The following HDAC4 variants were observed in gnomAD, a reference collection of about 807,000 sequenced individuals.
The protein encoded by HDAC4 is histone deacetylase 4, also known as histone deacetylase A.
A neutral mutation model predicts 135.1 loss-of-function variants in HDAC4; 16 were observed. That is an observed-to-expected ratio of 0.12 (90% CI 0.08 to 0.18). HDAC4 has a LOEUF of 0.18. Among genes scored for constraint, HDAC4 ranks in the 10% least tolerant of loss-of-function variants. The pLI is 1.00. For synonymous variants in HDAC4, 685 were observed against 653.4 expected (o/e 1.05, Z -0.74); for missense variants, 1,143 against 1,511.8 (o/e 0.76, Z 4.05).
chr2:239,282,141 C>A (rs959934615), intron 2 of HDAC4, among the ~76,000 whole-genome samples: 2 of 150,464 alleles, frequency 1.3e-5, no homozygotes, highest in Non-Finnish European at 3.0e-5. Context: ...CACCATGCTA[C>A]AATGAACACA....
Position 239,068,119 on chromosome 2 carries a change from G to C in HDAC4, c.2869+370C>G, listed in dbSNP as rs1298476705. On this transcript the variant is annotated intron_variant, in intron 23 of 26. Coordinates refer to ENST00000543185, the MANE Select transcript of HDAC4 (RefSeq NM_001378414.1). The surrounding 1 kb of genome is among the most constrained non-coding windows in gnomAD (Gnocchi z 4.4). Reference sequence around the variant, plus strand: ...GTGCCCCCAGCAACTTCCCTTTACAGTTCCAAGGAGCACCGCCTGCCAGAG... The same window carrying C: ...GTGCCCCCAGCAACTTCCCTTTACACTTCCAAGGAGCACCGCCTGCCAGAG... Among the ~76,000 whole-genome samples, 1 of 152,114 alleles carries C rather than the reference G, an allele frequency of 6.6e-6. No individual in the cohort carries two copies. Among genetic ancestry groups the C allele is most frequent in the Admixed American group, 6.5e-5 (1 of 15,276 alleles).
rs576389097 is a variant in HDAC4 at position 239,391,402 on chromosome 2, C to G, written c.-220+9576G>C. ...GCTGCAGAGACACCCTGAGCAGGTGCAGGAGCTTCAGAAAGTCCTGCAGGT... is the reference window on the plus strand; with the variant it reads ...GCTGCAGAGACACCCTGAGCAGGTGGAGGAGCTTCAGAAAGTCCTGCAGGT... On this transcript the variant is annotated intron_variant, in intron 1 of 26. Transcript: ENST00000543185. Among the ~76,000 whole-genome samples, 6 of 152,314 alleles carry G rather than the reference C, an allele frequency of 3.9e-5. No homozygotes were observed. The South Asian group carries it at 1.2e-3, about 32-fold the overall frequency.
intron 1 of HDAC4, among the ~76,000 whole-genome samples, chr2:239,364,985 G>A (rs2125982186): frequency 1.3e-5 from 2 of 152,228 alleles, no homozygotes; most frequent in South Asian, 2.1e-4. Flanking sequence ...TCCCAAAGAG[G>A]TACTAAGTCA....
intron 4 of HDAC4, among the ~76,000 whole-genome samples, chr2:239,180,943 C>T (rs866476876): frequency 1.3e-5 from 2 of 152,254 alleles, no homozygotes; most frequent in African/African-American, 2.4e-5. Context: ...CCAGCCTCCC[C>T]GTCCACTGTC....
chr2:239,125,794 C>T (rs1181015188), intron 12 of HDAC4, among the ~76,000 whole-genome samples: 1 of 152,272 alleles, frequency 6.6e-6, no homozygotes, highest in African/African-American at 2.4e-5. Context: ...TGAAAATGGA[C>T]TTATCTGAGT....
chr2:239,097,234 C>A (rs1007166399), intron 16 of HDAC4, among the ~76,000 whole-genome samples: 1 of 152,240 alleles, frequency 6.6e-6, no homozygotes, highest in Admixed American at 6.5e-5. Context: ...CTGGGCTGTA[C>A]AAGGCATTGA....
chr2:239,365,942 T>C (rs997396672), intron 1 of HDAC4, among the ~76,000 whole-genome samples: 1 of 119,144 alleles, frequency 8.4e-6, no homozygotes, highest in Non-Finnish European at 1.8e-5. Flanking sequence ...TGTGGCACTA[T>C]GTGACATACA....
At chr2:239,259,425 C>G (rs2049223128) in intron 2 of HDAC4, among the ~76,000 whole-genome samples, 1 of 152,176 alleles carries the variant, frequency 6.6e-6, no homozygotes, top group Non-Finnish European at 1.5e-5. Flanking sequence ...GCCTGAGTGA[C>G]AGAGCAAGAC....
intron 3 of HDAC4, among the ~76,000 whole-genome samples, chr2:239,228,542 G>A (rs528306757): frequency 6.6e-6 from 1 of 152,278 alleles, no homozygotes; most frequent in East Asian, 1.9e-4. Context: ...AGATCTGAGG[G>A]GAAGGAGAGC....
intron 2 of HDAC4, among the ~76,000 whole-genome samples, chr2:239,310,491 G>A (rs2052821787): frequency 6.6e-6 from 1 of 152,240 alleles, no homozygotes; most frequent in Non-Finnish European, 1.5e-5. Context: ...CGGGGGGATG[G>A]CTGGGGCCAA....
intron 4 of HDAC4, among the ~76,000 whole-genome samples, chr2:239,182,112 G>GT (rs2153019024): frequency 6.6e-6 from 1 of 152,290 alleles, no homozygotes; most frequent in South Asian, 2.1e-4. Context: ...ACAGGGAAAG[G>GT]TGCCCCGAGA....
chr2:239,355,071 C>G (rs1693406135), intron 1 of HDAC4, among the ~76,000 whole-genome samples: 3 of 152,134 alleles, frequency 2.0e-5, no homozygotes, highest in Admixed American at 2.0e-4. Context: ...TTACCATTTT[C>G]TTCTGCCTGG....
intron 2 of HDAC4, among the ~76,000 whole-genome samples, chr2:239,266,821 G>A (rs1018264003): frequency 9.9e-5 from 15 of 152,132 alleles, no homozygotes; most frequent in African/African-American, 1.7e-4. Flanking sequence ...CAAGGCACCC[G>A]CTTGGCCTCT....
At chr2:239,199,971 C>T (rs899512754) in intron 3 of HDAC4, among the ~76,000 whole-genome samples, 1 of 152,172 alleles carries the variant, frequency 6.6e-6, no homozygotes, top group African/African-American at 2.4e-5. Context: ...ATCTCCTGAC[C>T]TCATGATCCA....
At chr2:239,127,019 C>T (rs2040238444) in intron 11 of HDAC4, among the ~76,000 whole-genome samples, 1 of 152,044 alleles carries the variant, frequency 6.6e-6, no homozygotes, top group African/African-American at 2.4e-5. Context: ...ACAATTGTTC[C>T]TGGGGGCCAC....
At chr2:239,353,508 G>A (rs969525551) in intron 1 of HDAC4, among the ~76,000 whole-genome samples, 14 of 152,140 alleles carry the variant, frequency 9.2e-5, no homozygotes, top group African/African-American at 3.1e-4. Flanking sequence ...GTGTAGGGCT[G>A]CCATACACAT....
intron 3 of HDAC4, among the ~76,000 whole-genome samples, chr2:239,212,880 G>A (rs1425791800): frequency 6.6e-6 from 1 of 152,186 alleles, no homozygotes; most frequent in African/African-American, 2.4e-5. Context: ...GCTTGTTAGA[G>A]ACTCACTCTT....
intron 3 of HDAC4, among the ~76,000 whole-genome samples, chr2:239,235,675 C>T (rs764229561): frequency 5.3e-5 from 8 of 152,174 alleles, no homozygotes; most frequent in African/African-American, 1.2e-4. Flanking sequence ...TATGTGGAAA[C>T]GGGTTTTACA....
intron 2 of HDAC4, among the ~76,000 whole-genome samples, chr2:239,336,794 G>A: frequency 6.6e-6 from 1 of 152,172 alleles, no homozygotes; most frequent in Admixed American, 6.5e-5. Flanking sequence ...TGACATTACT[G>A]TCATTAACTA....
Sources: gnomAD v4.1 joint callset for allele counts (sites outside exome capture counted in the v4.1 genomes callset) on GRCh38, gnomAD v4.1.1 for gene constraint, Gnocchi (gnomAD v3.1) non-coding constraint, MANE v1.5 for transcripts, NCBI Gene and HGNC (gene_info 2026-07-23, HGNC 2026-07-21) for gene names.